DIS3L2: variants seen among roughly 807,000 people sequenced by gnomAD.
DIS3L2 encodes DIS3-like exonuclease 2.
Under a neutral mutation model 97.5 loss-of-function variants are expected in DIS3L2, and 34 were observed. The ratio of observed to expected loss-of-function variants is 0.35; its 90% CI spans 0.27 to 0.46. The LOEUF (loss-of-function observed/expected upper bound fraction) is 0.46. DIS3L2 is among the 20% of genes least tolerant of loss of function. The pLI, the probability that DIS3L2 is intolerant of heterozygous loss-of-function variation, is 1.00. For missense variants in DIS3L2, 1,038 were observed against 1,146.0 expected (o/e 0.91, Z 1.36); for synonymous variants, 435 against 445.2 (o/e 0.98, Z 0.29).
chr2:232,077,906 TGTACTTTGTTATA>T (rs1414597010), intron 5 of DIS3L2, among the ~76,000 whole-genome samples: 4 of 152,200 alleles, frequency 2.6e-5, no homozygotes, highest in Non-Finnish European at 5.9e-5. Context: ...GGCCCTTTAC[TGTACTTTGTTATA>T]GAGTATTTTC....
intron 1 of DIS3L2, among the ~76,000 whole-genome samples, chr2:231,966,369 C>T (rs896157860): frequency 2.6e-5 from 4 of 151,922 alleles, no homozygotes; most frequent in Non-Finnish European, 4.4e-5. Flanking sequence ...GGGGTTTCAC[C>T]ATGTTGGCCA....
At chr2:232,252,355 G>A (rs576653303) in intron 12 of DIS3L2, among the ~76,000 whole-genome samples, 1 of 152,304 alleles carries the variant, frequency 6.6e-6, no homozygotes, top group Admixed American at 6.5e-5. Context: ...GTTGCGGTGA[G>A]CTGAGATCGT....
chr2:232,138,502 G>A (rs1376380038), intron 8 of DIS3L2, among the ~76,000 whole-genome samples: 1 of 152,032 alleles, frequency 6.6e-6, no homozygotes, highest in Non-Finnish European at 1.5e-5. Flanking sequence ...ATAAAACATG[G>A]TAGGTTTTCC....
intron 3 of DIS3L2, among the ~76,000 whole-genome samples, chr2:232,020,556 G>T (rs756904824): frequency 1.8e-4 from 28 of 152,140 alleles, no homozygotes; most frequent in Non-Finnish European, 3.8e-4. Context: ...AGAAAAGCAA[G>T]GGTTGGAATG....
At chr2:231,983,173 C>T (rs1034889000) in intron 1 of DIS3L2, among the ~76,000 whole-genome samples, 14 of 152,142 alleles carry the variant, frequency 9.2e-5, no homozygotes, top group Admixed American at 6.5e-4. Flanking sequence ...TTCAGTGGAT[C>T]TCCTAAGCTT....
intron 12 of DIS3L2, among the ~76,000 whole-genome samples, chr2:232,253,615 C>G (rs570624345): frequency 1.1e-4 from 17 of 151,590 alleles, no homozygotes; most frequent in Non-Finnish European, 1.9e-4. Flanking sequence ...AAAATGAATT[C>G]TGATCATTGT....
intron 13 of DIS3L2, among the ~76,000 whole-genome samples, chr2:232,286,058 A>G (rs765441889): frequency 2.0e-5 from 3 of 152,210 alleles, no homozygotes; most frequent in South Asian, 2.1e-4. Flanking sequence ...CCATGCTCCA[A>G]CAGGCTGGGG....
At chr2:232,075,649 C>T (rs1378997061) in intron 5 of DIS3L2, among the ~76,000 whole-genome samples, 2 of 152,170 alleles carry the variant, frequency 1.3e-5, no homozygotes, top group Non-Finnish European at 2.9e-5. Context: ...TTGCACTTCT[C>T]GAGTCATCTG....
chr2:232,091,969 C>T (rs1232071954), intron 6 of DIS3L2, among the ~76,000 whole-genome samples: 1 of 152,136 alleles, frequency 6.6e-6, no homozygotes, highest in Admixed American at 6.5e-5. Flanking sequence ...AAGTCTTTGC[C>T]CAGTCCAATG....
chr2:232,258,896 CA>C (rs1378814813), intron 12 of DIS3L2, among the ~76,000 whole-genome samples: 1 of 152,182 alleles, frequency 6.6e-6, no homozygotes, highest in Admixed American at 6.5e-5. Context: ...TGTCAGACGA[CA>C]ACAGACTCCT....
rs191085409 is a variant in DIS3L2, at chr2:232,272,083, A to T, written c.1659+8643A>T. On this transcript the variant is annotated intron_variant, in intron 13 of 20. Transcript: ENST00000325385. ...TCAGATTCATTCTGTTGAGTGGCTC[A>T]TTATTATAACCCTGAACTCTTCATG... Among the ~76,000 whole-genome samples, 708 of 152,348 alleles carry T rather than the reference A, an allele frequency of 4.6e-3. 3 individuals carry two copies. The highest frequency in any genetic ancestry group is 0.023 in the East Asian group (118 of 5,192).
intron 5 of DIS3L2, among the ~76,000 whole-genome samples, chr2:232,063,545 C>G (rs1230382916): frequency 6.6e-6 from 1 of 152,160 alleles, no homozygotes; most frequent in Non-Finnish European, 1.5e-5. Flanking sequence ...TTCTGTTCTG[C>G]AAACATGCCT....
At chr2:232,168,198 C>G (rs1690881586) in intron 9 of DIS3L2, among the ~76,000 whole-genome samples, 1 of 152,100 alleles carries the variant, frequency 6.6e-6, no homozygotes, top group Non-Finnish European at 1.5e-5. Context: ...AAAATGTTAT[C>G]TTTAAAATTC....
chr2:232,289,353 A>C (rs1243997716), intron 13 of DIS3L2, among the ~76,000 whole-genome samples: 1 of 151,596 alleles, frequency 6.6e-6, no homozygotes, highest in African/African-American at 2.4e-5. Flanking sequence ...GCTCACTGCA[A>C]CCTCCGCCTC....
chr2:232,311,807 T>C (rs2106331190), intron 14 of DIS3L2, among the ~76,000 whole-genome samples: 1 of 152,352 alleles, frequency 6.6e-6, no homozygotes, highest in Middle Eastern at 3.4e-3. Context: ...CATTCATCAA[T>C]TTATCCAATC....
chr2:232,158,432 A>G (rs976900129), intron 8 of DIS3L2, among the ~76,000 whole-genome samples: 2 of 152,050 alleles, frequency 1.3e-5, no homozygotes, highest in Non-Finnish European at 2.9e-5. Context: ...CAATGGTGTA[A>G]TGATTCATCA....
chr2:232,043,738 T>C (rs1695167463), intron 5 of DIS3L2, among the ~76,000 whole-genome samples: 1 of 152,236 alleles, frequency 6.6e-6, no homozygotes, highest in Admixed American at 6.5e-5. Flanking sequence ...GTACAGTTTT[T>C]GTAAGTGAAA....
At chr2:232,054,610 A>C (rs922919423) in intron 5 of DIS3L2, among the ~76,000 whole-genome samples, 1 of 147,844 alleles carries the variant, frequency 6.8e-6, no homozygotes, top group African/African-American at 2.4e-5. Context: ...TCCTAAACTC[A>C]TTCATTTGAG....
Position 232,005,537 on chromosome 2 carries a change from C to T in DIS3L2, c.-93-9298C>T, listed in dbSNP as rs571699795. 1.8e-4 allele frequency among the ~76,000 whole-genome samples: 27 copies of T among 152,222 alleles called. No homozygotes were observed. In the South Asian group the frequency reaches 5.2e-3, roughly 29 times the overall value. On this transcript the variant is annotated intron_variant, in intron 1 of 20. Coordinates refer to ENST00000325385, the MANE Select transcript of DIS3L2 (RefSeq NM_152383.5). ...ACCAACCCTGTGATGGTGGCCTGCC[C>T]TTGGGACAAAACTTCTATTTCCCTC...
Sources: allele counts gnomAD v4.1 joint callset (sites outside exome capture counted in the v4.1 genomes callset), GRCh38; gene constraint gnomAD v4.1.1; transcripts MANE v1.5; gene names NCBI Gene and HGNC (gene_info 2026-07-23, HGNC 2026-07-21).